Variants in THADA observed in about 807,000 individuals in gnomAD.
The protein encoded by THADA is THADA armadillo repeat containing.
Under a neutral mutation model 219.8 loss-of-function variants are expected in THADA, and 213 were observed. The observed-to-expected ratio is 0.97, with a 90% CI of 0.87 to 1.09. THADA has a LOEUF of 1.09. Among genes scored for constraint, THADA ranks in the 50% least tolerant of loss-of-function variants. The probability of loss-of-function intolerance (pLI) is 0.00; values close to 1 mark genes in which losing one functional copy is unlikely to be tolerated. For synonymous variants in THADA, 1,018 were observed against 828.9 expected, an observed-to-expected ratio of 1.23 and a Z score of -3.92; for missense variants, 2,956 against 2,311.3, an observed-to-expected ratio of 1.28 and a Z score of -5.72.
chr2:43,566,378 TAAA>T (rs1013238821), intron 15 of THADA: 1 of 628,882 alleles, frequency 1.6e-6, no homozygotes, highest in Non-Finnish European at 2.9e-6. Flanking sequence ...TTTTAAAACT[TAAA>T]GAACAGATTG....
chr2:43,232,421 G>A (rs367638585), intron 37 of THADA, among the ~76,000 whole-genome samples: 7 of 151,926 alleles, frequency 4.6e-5, no homozygotes, highest in South Asian at 2.1e-4. Flanking sequence ...CTCATGATCC[G>A]CCTGCCTTGG....
chr2:43,563,840 T>C (rs538224916), intron 15 of THADA: 3 of 152,310 alleles, frequency 2.0e-5, no homozygotes, highest in South Asian at 2.1e-4. Context: ...CTGTACTTCA[T>C]AGTCAAGGTT....
intron 28 of THADA, among the ~76,000 whole-genome samples, chr2:43,412,798 G>C (rs927613053): frequency 1.3e-5 from 2 of 152,096 alleles, no homozygotes; most frequent in Non-Finnish European, 2.9e-5. Context: ...CTCTGAGAAG[G>C]TCAGGGCTTG....
rs188615052 is a variant in THADA at position 43,275,941 on chromosome 2, G to A, written c.5296+3824C>T. Among the ~76,000 whole-genome samples, 3 of 152,302 alleles carry A rather than the reference G, an allele frequency of 2.0e-5. No individual in the cohort carries two copies. In the East Asian group the frequency reaches 5.8e-4, roughly 29 times the overall value. On this transcript the variant is annotated intron_variant, in intron 36 of 37. Coordinates refer to ENST00000405975, the MANE Select transcript of THADA (RefSeq NM_022065.5). ...AAATGAAATCTGACATTAAATGCCC[G>A]ATGTGGTATATAAAACAGATCTGAG...
chr2:43,502,125 A>G (rs563771754), intron 24 of THADA, among the ~76,000 whole-genome samples: 9 of 151,420 alleles, frequency 5.9e-5, no homozygotes, highest in Admixed American at 3.3e-4. Flanking sequence ...ACATTAAATT[A>G]TTTTATTTTA....
In THADA at chr2:43,541,141, A is replaced by G; in HGVS notation, c.3264+18T>C. 6.6e-7 allele frequency: 1 copy of G among 1,510,842 alleles called. No homozygotes were observed. Among genetic ancestry groups the G allele is most frequent in the Non-Finnish European group, 8.8e-7 (1 of 1,134,922 alleles). 93.6% of individuals were successfully genotyped at this position (1,510,842 alleles called of 1,614,324 possible). A position where few individuals can be genotyped will look rare whatever the true frequency, so the allele number is the denominator to read the frequency against. ...GTTGACCAGAAATTATACATGGTGG[A>G]ATAAACATGTGCCTTACCTGCTCCA... On this transcript the variant is annotated intron_variant, in intron 21 of 37. Coordinates refer to ENST00000405975, the MANE Select transcript of THADA (RefSeq NM_022065.5).
At chr2:43,568,813 G>C (rs1018289124) in intron 14 of THADA, among the ~76,000 whole-genome samples, 1 of 151,964 alleles carries the variant, frequency 6.6e-6, no homozygotes, top group Admixed American at 6.6e-5. Flanking sequence ...GAGGTGGAGT[G>C]GGGGGAATCA....
At chr2:43,542,860 T>C (rs1260950662) in intron 20 of THADA, among the ~76,000 whole-genome samples, 1 of 152,150 alleles carries the variant, frequency 6.6e-6, no homozygotes, top group African/African-American at 2.4e-5. Flanking sequence ...TCTTCTTTAA[T>C]TTAATTTAAT....
At chr2:43,541,507 T>G (rs1022653214) in intron 20 of THADA, among the ~76,000 whole-genome samples, 191 bp from the exon 21 acceptor site, 5 of 148,566 alleles carry the variant, frequency 3.4e-5, no homozygotes, top group African/African-American at 2.5e-5. Context: ...CATGCTAAGT[T>G]TTTTTTTTTT....
rs146221768 is a variant in THADA at position 43,513,953 on chromosome 2, A to C, written c.3375-5173T>G. 2.2e-3 allele frequency among the ~76,000 whole-genome samples: 335 copies of C among 150,814 alleles called. 3 individuals are homozygous for C. The highest frequency in any genetic ancestry group is 7.9e-3 in the African/African-American group (325 of 41,110). On this transcript the variant is annotated intron_variant, in intron 22 of 37. Coordinates refer to ENST00000405975, the MANE Select transcript of THADA (RefSeq NM_022065.5). ...CTCACATCTGTAGTCTCAGCAACTC[A>C]GGAGGCTAAAGCAGGAAGATCACTT...
intron 36 of THADA, among the ~76,000 whole-genome samples, chr2:43,243,891 C>T (rs1668863989): frequency 6.6e-6 from 1 of 152,216 alleles, no homozygotes; most frequent in Non-Finnish European, 1.5e-5. Context: ...ACAAACTCCA[C>T]AGAAGTGTTA....
intron 31 of THADA, among the ~76,000 whole-genome samples, chr2:43,299,889 G>A (rs1459143697): frequency 2.0e-5 from 3 of 151,342 alleles, no homozygotes; most frequent in African/African-American, 7.3e-5. Flanking sequence ...TTAGCCAGGT[G>A]TGGTGGTGCA....
At chr2:43,301,287 T>A (rs1301566637) in intron 31 of THADA, among the ~76,000 whole-genome samples, 1 of 152,204 alleles carries the variant, frequency 6.6e-6, no homozygotes, top group Non-Finnish European at 1.5e-5. Context: ...CCCCAATTTC[T>A]CTTTCAAATA....
At chr2:43,384,730 C>G (rs1031797876) in intron 29 of THADA, among the ~76,000 whole-genome samples, 3 of 152,200 alleles carry the variant, frequency 2.0e-5, no homozygotes, top group African/African-American at 7.2e-5. Flanking sequence ...CTTTGGGAGG[C>G]TGAGGCGGGA....
chr2:43,584,829 T>C (rs1700838169), intron 7 of THADA, among the ~76,000 whole-genome samples: 2 of 152,132 alleles, frequency 1.3e-5, no homozygotes, highest in Non-Finnish European at 2.9e-5. Flanking sequence ...GAAGACTGAA[T>C]ACCTCCGAGC....
intron 36 of THADA, among the ~76,000 whole-genome samples, chr2:43,272,685 CATGATCATGG>C (rs1672270160): frequency 6.9e-6 from 1 of 145,842 alleles, no homozygotes; most frequent in African/African-American, 2.6e-5. Flanking sequence ...AGTGCAGTAG[CATGATCATGG>C]CTCATTGTAG....
chr2:43,590,668 A>T (rs954676622), intron 4 of THADA, among the ~76,000 whole-genome samples, 156 bp downstream of exon 4: 3 of 149,846 alleles, frequency 2.0e-5, no homozygotes, highest in Non-Finnish European at 3.0e-5. Context: ...AAAAAAAAAT[A>T]GTTGTAACTA....
rs553520123 is a variant in THADA at position 43,433,831 on chromosome 2, G to A, written c.3837-3529C>T. Reference sequence around the variant, plus strand: ...GCCTCCTGAGTAGCTGGCACTACAGGTGCGCACCACCACATCTGGCTAATT... The same window carrying A: ...GCCTCCTGAGTAGCTGGCACTACAGATGCGCACCACCACATCTGGCTAATT... On this transcript the variant is annotated intron_variant, in intron 26 of 37. Coordinates refer to ENST00000405975, the MANE Select transcript of THADA (RefSeq NM_022065.5). Among the ~76,000 whole-genome samples the A allele has an allele frequency of 3.3e-5, 5 of 152,190 alleles. No homozygotes were observed. The East Asian group carries it at 9.7e-4, about 30-fold the overall frequency.
At chr2:43,566,092 T>TA (rs1409445275) in intron 15 of THADA, 79 of 155,052 alleles carry the variant, frequency 5.1e-4, no homozygotes, top group Non-Finnish European at 6.8e-4. Context: ...TGTCTCAAAA[T>TA]AAAAAAAAAG....
Sources: gnomAD v4.1 joint callset for allele counts (sites outside exome capture counted in the v4.1 genomes callset) on GRCh38, gnomAD v4.1.1 for gene constraint, MANE v1.5 for transcripts, NCBI Gene and HGNC (gene_info 2026-07-23, HGNC 2026-07-21) for gene names.